PCDHGA5: variants seen among roughly 807,000 people sequenced by gnomAD.
PCDHGA5 encodes the protein protocadherin gamma subfamily A, 5.
In PCDHGA5, 36 loss-of-function variants were observed where a neutral mutation model predicts 56.7. That is an observed-to-expected ratio of 0.64 (90% CI 0.49 to 0.84). The LOEUF is 0.84. Among genes scored for constraint, PCDHGA5 ranks in the 40% least tolerant of loss-of-function variants. PCDHGA5 has a pLI of 0.00. For missense variants in PCDHGA5, 1,305 were observed against 1,201.5 expected, an observed-to-expected ratio of 1.09 and a Z score of -1.27; for synonymous variants, 563 against 520.2, an observed-to-expected ratio of 1.08 and a Z score of -1.12.
chr5:141,394,012 A>C lies in PCDHGA5; in HGVS notation c.2421+27261A>C, dbSNP rs756847755. ...TTTAAATTAGAAAAGTCAATAGGTA[A>C]TTATTATAGATTAGTGACAAGGAAA... On this transcript the variant is annotated intron_variant, in intron 1 of 3. Coordinates refer to ENST00000518069, the MANE Select transcript of PCDHGA5 (RefSeq NM_018918.3). The C allele has an allele frequency of 2.6e-5, 42 of 1,613,288 alleles. No individual in the cohort carries two copies. Among genetic ancestry groups the C allele is most frequent in the Non-Finnish European group, 3.4e-5 (40 of 1,179,552 alleles).
intron 1 of PCDHGA5, among the ~76,000 whole-genome samples, chr5:141,381,018 ATTAG>A (rs1442442460): frequency 4.6e-5 from 7 of 152,398 alleles, no homozygotes; most frequent in Admixed American, 1.3e-4. Context: ...TAATACCTCT[ATTAG>A]TTCCTTTAAA....
At chr5:141,380,946 C>T (rs555019785) in intron 1 of PCDHGA5, among the ~76,000 whole-genome samples, 2 of 152,210 alleles carry the variant, frequency 1.3e-5, no homozygotes, top group African/African-American at 2.4e-5. Flanking sequence ...CTTGCCTCAA[C>T]AAGAAGTTCA....
chr5:141,430,635 T>A, intron 1 of PCDHGA5: 3 of 881,948 alleles, frequency 3.4e-6, no homozygotes, highest in Non-Finnish European at 5.0e-6. Flanking sequence ...GAACCATCCC[T>A]GGGAGTATGT....
At chr5:141,388,571 C>A in intron 1 of PCDHGA5, 2 of 1,613,830 alleles carry the variant, frequency 1.2e-6, no homozygotes, top group Non-Finnish European at 1.7e-6. Context: ...CACAGATACA[C>A]GTTCTAGTGA....
chr5:141,364,694 G>C lies in PCDHGA5; in HGVS notation c.364G>C (p.Glu122Gln), dbSNP rs1404182809. 4.3e-6 allele frequency: 7 copies of C among 1,613,976 alleles called. No individual in the cohort carries two copies. The highest frequency in any genetic ancestry group is 5.1e-6 in the Non-Finnish European group (6 of 1,179,888). ...AATGAAAATTTATGGAGTAGAAGTA[G>C]AAATAATCGATATTAATGATAACTT... is the stretch of plus-strand genomic sequence containing the variant. ...NKMKIYGVEV[E>Q]IIDINDNFPR... The change falls in exon 1 of 4, where the codon GAA becomes CAA. Residue 122 changes from glutamate to glutamine, a missense_variant. Transcript: ENST00000518069.
At chr5:141,502,274 A>G (rs573517581) in intron 2 of PCDHGA5, among the ~76,000 whole-genome samples, 18 of 152,128 alleles carry the variant, frequency 1.2e-4, no homozygotes, top group African/African-American at 4.1e-4. Context: ...ATCAAGGAGC[A>G]TAGATTGCAT....
chr5:141,441,370 C>A (rs1378574921), intron 1 of PCDHGA5: 1 of 152,672 alleles, frequency 6.5e-6, no homozygotes, highest in African/African-American at 2.4e-5. Flanking sequence ...GGGCCGTGGA[C>A]CAGGAACAGA....
At chr5:141,440,605 C>G (rs1214459401) in intron 1 of PCDHGA5, 1 of 152,228 alleles carries the variant, frequency 6.6e-6, no homozygotes, top group East Asian at 1.9e-4. Context: ...TGCAACAGAA[C>G]CTGCAGAAGA....
chr5:141,390,183 T>C (rs532412915), intron 1 of PCDHGA5: 2 of 1,614,034 alleles, frequency 1.2e-6, no homozygotes, highest in Admixed American at 1.7e-5. Context: ...TTTCCTAAAA[T>C]GTAGTGAGCA....
intron 1 of PCDHGA5, chr5:141,394,481 T>G (rs766569646): frequency 6.2e-7 from 1 of 1,614,206 alleles, no homozygotes; most frequent in African/African-American, 1.3e-5. Flanking sequence ...TGGACCAGAA[T>G]GACAACGCGC....
intron 1 of PCDHGA5, chr5:141,410,849 C>CTTTTTTTTTTTTTTTTTTGTTTTTTTT (rs2095435748): frequency 1.5e-5 from 2 of 129,786 alleles, no homozygotes; most frequent in Non-Finnish European, 2.6e-5. Context: ...TTGTCTTTGT[C>CTTTTTTTTTTTTTTTTTTGTTTTTTTT]TTTTTTTTTT....
chr5:141,395,427 T>A, intron 1 of PCDHGA5: 2 of 722,004 alleles, frequency 2.8e-6, no homozygotes, highest in Non-Finnish European at 4.3e-6. Flanking sequence ...CATTTGCTTT[T>A]AAACGACTTG....
intron 1 of PCDHGA5, among the ~76,000 whole-genome samples, chr5:141,468,979 C>T (rs1394344696): frequency 6.7e-6 from 1 of 149,482 alleles, no homozygotes; most frequent in African/African-American, 2.5e-5. Flanking sequence ...CTTTTGACTT[C>T]CAAAATTATT....
At chr5:141,414,174 A>C in intron 1 of PCDHGA5, 1 of 1,607,520 alleles carries the variant, frequency 6.2e-7, no homozygotes, top group Non-Finnish European at 8.5e-7. Context: ...CATATCTTGC[A>C]ACTGCAAAAG....
Position 141,370,893 on chromosome 5 carries a change from C to G in PCDHGA5, c.2421+4142C>G, listed in dbSNP as rs116495533. On this transcript the variant is annotated intron_variant, in intron 1 of 3. Coordinates refer to ENST00000518069, the MANE Select transcript of PCDHGA5 (RefSeq NM_018918.3). ...AGATCCTGATGTAGGTGTCAATTCG[C>G]TGCAGCAGTACTACCTCAGCCCTGA... The G allele has an allele frequency of 1.9e-3, 3,002 of 1,614,052 alleles. 48 individuals carry two copies. In the African/African-American group the frequency reaches 0.033, roughly 18 times the overall value.
intron 1 of PCDHGA5, chr5:141,423,138 C>G (rs767107885): frequency 1.2e-6 from 2 of 1,613,606 alleles, no homozygotes; most frequent in Non-Finnish European, 1.7e-6. Flanking sequence ...TGGACAGAGA[C>G]GCGCTCAAGC....
At chr5:141,497,092 G>C (rs2099773958) in intron 2 of PCDHGA5, among the ~76,000 whole-genome samples, 1 of 152,092 alleles carries the variant, frequency 6.6e-6, no homozygotes, top group Admixed American at 6.5e-5. Flanking sequence ...AGGAGGCTGA[G>C]GCAGAACTGC....
At chr5:141,439,996 G>C (rs1156373511) in intron 1 of PCDHGA5, 1 of 153,262 alleles carries the variant, frequency 6.5e-6, no homozygotes, top group African/African-American at 2.4e-5. Flanking sequence ...GTTTGGTGGT[G>C]GGAAACCTTG....
chr5:141,427,028 C>T (rs960885416), intron 1 of PCDHGA5: 12 of 456,928 alleles, frequency 2.6e-5, no homozygotes, highest in Admixed American at 2.1e-4. Flanking sequence ...ACAAAGTCAG[C>T]CTTAGAGAGA....
Sources: allele counts gnomAD v4.1 joint callset (sites outside exome capture counted in the v4.1 genomes callset), GRCh38; gene constraint gnomAD v4.1.1; transcripts MANE v1.5; gene names NCBI Gene and HGNC (gene_info 2026-07-23, HGNC 2026-07-21).